Variants in GSTM4 observed in about 807,000 individuals in gnomAD.
The protein encoded by GSTM4 is GST class-mu 4.
A neutral mutation model predicts 30.1 loss-of-function variants in GSTM4; 27 were observed. The observed-to-expected ratio is 0.90, with a 90% CI of 0.66 to 1.24. GSTM4 has a LOEUF of 1.24. Ranked by LOEUF, GSTM4 falls within the 50% of genes most tolerant of loss-of-function variation. The pLI is 0.00. For synonymous variants in GSTM4, 94 were observed against 96.2 expected, an observed-to-expected ratio of 0.98 and a Z score of 0.13; for missense variants, 238 against 272.1, an observed-to-expected ratio of 0.87 and a Z score of 0.88.
At chr1:109,665,981 G>A (rs1647308344), downstream of GSTM4, among the ~76,000 whole-genome samples, 1 of 152,206 alleles carries the variant, frequency 6.6e-6, no homozygotes, top group South Asian at 2.1e-4. Context: ...CACCCCTAAT[G>A]GGGGTGTTAA....
intron 1 of GSTM4, 123 bp from the exon 2 acceptor site, chr1:109,656,589 T>TGTGTGTGC (rs1491168454): frequency 1.2e-5 from 7 of 591,124 alleles, no homozygotes; most frequent in African/African-American, 4.0e-5. Flanking sequence ...TGTGTGTGTG[T>TGTGTGTGC]GCGTGCGCCG....
chr1:109,657,071 C>G (rs1367179897), intron 2 of GSTM4, 144 bp from the exon 3 acceptor site: 3 of 869,772 alleles, frequency 3.4e-6, no homozygotes, highest in Admixed American at 2.0e-5. Context: ...TTCTTTGTCC[C>G]TGAACCCTGG....
In GSTM4 at chr1:109,658,800, G is replaced by A. The variant is rs1452122780; in HGVS notation, c.361-14G>A. Reference sequence around the variant, plus strand: ...CTTGTGTCTGAGGGTGGTGACAGCTGTTTTCTGCCTCAGGAGAAACTGAAG... The same window carrying A: ...CTTGTGTCTGAGGGTGGTGACAGCTATTTTCTGCCTCAGGAGAAACTGAAG... On this transcript the variant is annotated splice_polypyrimidine_tract_variant and intron_variant, in intron 5 of 7. Transcript: ENST00000369836. 1.2e-6 allele frequency: 2 copies of A among 1,601,076 alleles called. No homozygotes were observed. Among genetic ancestry groups the A allele is most frequent in the Non-Finnish European group, 1.7e-6 (2 of 1,168,138 alleles).
At chr1:109,658,140 T>A (rs1652122417) in intron 5 of GSTM4, 2 of 473,708 alleles carry the variant, frequency 4.2e-6, no homozygotes, top group East Asian at 3.9e-5. Flanking sequence ...CCCTGACCTC[T>A]GCCACGGGCC....
chr1:109,659,941 A>T, intron 7 of GSTM4: 1 of 326,520 alleles, frequency 3.1e-6, no homozygotes, highest in South Asian at 2.6e-5. Context: ...AGAGGCCTGC[A>T]GGCAGAGCAG....
chr1:109,664,453 G>A (rs183951890), downstream of GSTM4, among the ~76,000 whole-genome samples: 8 of 138,690 alleles, frequency 5.8e-5, no homozygotes, highest in African/African-American at 1.9e-4. Flanking sequence ...TCCGCCTCCT[G>A]AGTTCCAGCA....
chr1:109,656,164 A>G lies in GSTM4; in HGVS notation c.-226A>G. 1 of 544,576 alleles carries G rather than the reference A, an allele frequency of 1.8e-6. No individual in the cohort carries two copies. The highest frequency in any genetic ancestry group is 1.9e-5 in the South Asian group (1 of 53,008). 33.7% of individuals were successfully genotyped at this position (544,576 alleles called of 1,614,324 possible). On this transcript the variant is annotated 5_prime_UTR_variant, in exon 1 of 8. Coordinates refer to ENST00000369836, the MANE Select transcript of GSTM4 (RefSeq NM_000850.5). ...GCGGTGGATCTTACTCCTTCCAGCC[A>G]GTGAGGATCCAGCAACCTGCTCCGT... is the stretch of plus-strand genomic sequence containing the variant.
At chr1:109,662,375 C>T (rs1652351131), downstream of GSTM4, among the ~76,000 whole-genome samples, 3 of 152,208 alleles carry the variant, frequency 2.0e-5, no homozygotes, top group Admixed American at 6.5e-5. Flanking sequence ...CTGACTCCAT[C>T]ACAGCTTAGA....
rs748947998 is a variant in GSTM4, at chr1:109,658,861, G to A, written c.408G>A (p.Gln136=). 3.1e-6 allele frequency: 5 copies of A among 1,614,038 alleles called. No homozygotes were observed. In the African/African-American group the frequency reaches 4.0e-5, roughly 13 times the overall value. ...TGGAGGAACTTCCTACAATGATGCA[G>A]CACTTCTCACAGTTCCTGGGGAAGA... ...EYLEELPTMM[Q]HFSQFLGKRP... The change falls in exon 6 of 8, where the codon CAG becomes CAA. Residue 136 remains glutamine (Q), a synonymous_variant. Transcript: ENST00000369836.
At position 109,656,445 on chromosome 1, in the gene GSTM4, A is replaced by G. The variant is rs1651987514; in HGVS notation, c.36+20A>G. ...CGCGGGGTGAGTGAGGGTCCGCTGC[A>G]CTGTGGGACCGGGCGCGTGGGCGGG... is the stretch of plus-strand genomic sequence containing the variant. On this transcript the variant is annotated intron_variant, in intron 1 of 7. Coordinates refer to ENST00000369836, the MANE Select transcript of GSTM4 (RefSeq NM_000850.5). The G allele has an allele frequency of 1.9e-6, 3 of 1,613,054 alleles. No homozygotes were observed. In the East Asian group the frequency reaches 6.7e-5, roughly 36 times the overall value.
chr1:109,659,297 G>T (rs1347881944), intron 7 of GSTM4, 187 bp downstream of exon 7: 1 of 1,572,022 alleles, frequency 6.4e-7, no homozygotes, highest in Non-Finnish European at 8.6e-7. Context: ...TTCCTACAGG[G>T]TGACAGAATT....
At position 109,657,642 on chromosome 1, in the gene GSTM4, T is replaced by G. The variant is rs1371629521; in HGVS notation, c.230T>G (p.Leu77Arg). 8 of 1,614,244 alleles carry G rather than the reference T, an allele frequency of 5.0e-6. No individual in the cohort carries two copies. The highest frequency in any genetic ancestry group is 6.8e-6 in the Non-Finnish European group (8 of 1,180,038). ...AHKITQSNAILCYIARKHNLC... is the reference protein window; with the variant it reads ...AHKITQSNAIRCYIARKHNLC... ...AAGATCACCCAGAGCAACGCCATCC[T>G]GTGCTACATTGCCCGCAAGCACAAC... The change falls in exon 4 of 8, where the codon CTG becomes CGG. Residue 77 changes from leucine (L) to arginine (R), a missense_variant. Physicochemically the swap from Leu to Arg is moderately radical, Grantham distance 102 (BLOSUM62 -2). Transcript: ENST00000369836.
rs1256876515 is a variant in GSTM4, at chr1:109,657,838, A to G, written c.326A>G (p.Asn109Ser). 9.9e-6 allele frequency: 16 copies of G among 1,613,998 alleles called. No homozygotes were observed. Among genetic ancestry groups the G allele is most frequent in the Non-Finnish European group, 1.4e-5 (16 of 1,180,012 alleles). ...ILENQAMDVS[N>S]QLARVCYSPD... ...GAGAACCAGGCTATGGACGTCTCCA[A>G]TCAGCTGGCCAGAGTCTGCTACAGC... Residue 109 changes from asparagine (N) to serine (S), a missense_variant, in exon 5 of 8, where the codon AAT (asparagine) becomes AGT (serine). Physicochemically the swap from Asn to Ser is conservative, Grantham distance 46. Coordinates refer to ENST00000369836, the MANE Select transcript of GSTM4 (RefSeq NM_000850.5).
rs1297962013 is a variant in GSTM4 at position 109,658,891 on chromosome 1, A to G, written c.438A>G (p.Pro146=). 4.3e-6 allele frequency: 7 copies of G among 1,613,814 alleles called. No individual in the cohort carries two copies. Among genetic ancestry groups the G allele is most frequent in the African/African-American group, 2.7e-5 (2 of 74,916 alleles). The change falls in exon 6 of 8, where the codon CCA becomes CCG. Residue 146 remains proline, a synonymous_variant. Transcript: ENST00000369836. Reference sequence around the variant, plus strand: ...TCTCACAGTTCCTGGGGAAGAGGCCATGGTTTGTTGGAGACAAGGTAATGG... The same window carrying G: ...TCTCACAGTTCCTGGGGAAGAGGCCGTGGTTTGTTGGAGACAAGGTAATGG... The part of the protein sequence containing the change: ...QHFSQFLGKR[P]WFVGDKITFV...
At chr1:109,663,384 T>G (rs889644432), downstream of GSTM4, among the ~76,000 whole-genome samples, 4 of 152,116 alleles carry the variant, frequency 2.6e-5, no homozygotes, top group African/African-American at 9.7e-5. Flanking sequence ...AAAAGCATGC[T>G]TGGCCAGGTG....
chr1:109,659,207 C>G (rs1430769111), intron 7 of GSTM4, 97 bp downstream of exon 7: 42 of 1,614,156 alleles, frequency 2.6e-5, no homozygotes, highest in Non-Finnish European at 3.6e-5. Context: ...GAATAACTTG[C>G]ATTTATTGAG....
At chr1:109,666,586 G>C (rs1647332342), downstream of GSTM4, among the ~76,000 whole-genome samples, 1 of 152,184 alleles carries the variant, frequency 6.6e-6, no homozygotes, top group South Asian at 2.1e-4. Flanking sequence ...TGCCTGCAGG[G>C]ACTGTGCCAG....
chr1:109,666,595 A>G (rs1261073745), downstream of GSTM4, among the ~76,000 whole-genome samples: 1 of 152,234 alleles, frequency 6.6e-6, no homozygotes, highest in African/African-American at 2.4e-5. Context: ...GGACTGTGCC[A>G]GCTGAGATTG....
At position 109,661,269 on chromosome 1, in the gene GSTM4, G is replaced by T. The variant is rs368009794; in HGVS notation, c.*15G>T. ...GCAACAAGTAATGCCTTGAAGGCCA[G>T]GAGGTGGGAGTGAGGAGCCCATACT... On this transcript the variant is annotated 3_prime_UTR_variant, in exon 8 of 8. Transcript: ENST00000369836. 43 of 1,612,592 alleles carry T rather than the reference G, an allele frequency of 2.7e-5. 1 individual carries two copies. The African/African-American group carries it at 5.5e-4, about 21-fold the overall frequency.
Sources: gnomAD v4.1 joint callset for allele counts (sites outside exome capture counted in the v4.1 genomes callset) on GRCh38, gnomAD v4.1.1 for gene constraint, MANE v1.5 for transcripts, NCBI Gene and HGNC (gene_info 2026-07-23, HGNC 2026-07-21) for gene names.